Variants in PRR5 observed in about 807,000 individuals in gnomAD.
PRR5 encodes the protein proline-rich protein 5.
PRR5 carries 25 observed loss-of-function variants against 30.6 expected under a neutral mutation model. That is an observed-to-expected ratio of 0.82 (90% CI 0.60 to 1.14). The LOEUF is 1.14. Among genes scored for constraint, PRR5 ranks in the 50% most tolerant of loss-of-function variants. The pLI is 0.00. For missense variants in PRR5, 600 were observed against 547.1 expected, an observed-to-expected ratio of 1.10 and a Z score of -0.96; for synonymous variants, 286 against 247.1, an observed-to-expected ratio of 1.16 and a Z score of -1.48.
chr22:44,708,288 G>A (rs138560539), intron 1 of PRR5, among the ~76,000 whole-genome samples: 15 of 152,286 alleles, frequency 9.8e-5, no homozygotes, highest in South Asian at 4.1e-4. Context: ...GTCAGGGTCC[G>A]GGGTCTGAAT....
chr22:44,695,867 C>T (rs999350171), intron 1 of PRR5, among the ~76,000 whole-genome samples: 3 of 150,508 alleles, frequency 2.0e-5, no homozygotes, highest in Non-Finnish European at 3.0e-5. Context: ...TCCCAAAGTG[C>T]GCCCAGCCTG....
At chr22:44,728,326 G>A (rs1921244050) in intron 4 of PRR5, among the ~76,000 whole-genome samples, 1 of 152,234 alleles carries the variant, frequency 6.6e-6, no homozygotes, top group Non-Finnish European at 1.5e-5. Flanking sequence ...CCCTGTCTTA[G>A]CAATGTGGGG....
In PRR5 at chr22:44,716,006, C is replaced by T. The variant is rs193249644; in HGVS notation, c.215+1335C>T. Among the ~76,000 whole-genome samples, 103 of 152,320 alleles carry T rather than the reference C, an allele frequency of 6.8e-4. 1 individual carries two copies. The highest frequency in any genetic ancestry group is 8.8e-5 in the Non-Finnish European group (6 of 68,032). ...ACTGTTAAATTTACAAATCCAGCAG[C>T]AGGCACAGTCCCCAGCTTTGGACAT... On this transcript the variant is annotated intron_variant, in intron 2 of 7. Coordinates refer to ENST00000336985, the MANE Select transcript of PRR5 (RefSeq NM_181333.4).
At position 44,706,302 on chromosome 22, in the gene PRR5, G is replaced by A. The variant is rs146784260; in HGVS notation, c.134+3694G>A. Among the ~76,000 whole-genome samples the A allele has an allele frequency of 4.1e-3, 618 of 152,308 alleles. 4 individuals are homozygous for A. Among genetic ancestry groups the A allele is most frequent in the African/African-American group, 0.014 (567 of 41,568 alleles). ...TCGTTTATTCATTCATTCATTGACTGTGCCAGCACTGGGCTGCTCAGGGCA... is the reference window on the plus strand; with the variant it reads ...TCGTTTATTCATTCATTCATTGACTATGCCAGCACTGGGCTGCTCAGGGCA... On this transcript the variant is annotated intron_variant, in intron 1 of 7. Transcript: ENST00000336985.
At chr22:44,684,870 C>T (rs1924606774) in intron 1 of PRR5, among the ~76,000 whole-genome samples, 3 of 152,196 alleles carry the variant, frequency 2.0e-5, no homozygotes, top group Non-Finnish European at 4.4e-5. Flanking sequence ...TCTGGAGGCT[C>T]AGGCGTCCTC....
chr22:44,673,458 C>G (rs933280419), upstream of PRR5, among the ~76,000 whole-genome samples: 2 of 152,212 alleles, frequency 1.3e-5, no homozygotes, highest in Admixed American at 1.3e-4. Context: ...TGAAGGGCCT[C>G]TGCGTTCACT....
Position 44,737,031 on chromosome 22 carries a change from C to T in PRR5, c.951C>T (p.Pro317=), listed in dbSNP as rs1302937199. The part of the protein sequence containing the change: ...FRSSPAPHSG[P]CPSRLYPTTQ... Reference sequence around the variant, plus strand: ...CCTCCCCGGCGCCCCACTCAGGGCCCTGCCCCAGCAGACTGTACCCCACGA... The same window carrying T: ...CCTCCCCGGCGCCCCACTCAGGGCCTTGCCCCAGCAGACTGTACCCCACGA... The change falls in exon 8 of 8, where the codon CCC becomes CCT. Residue 317 remains proline, a synonymous_variant. Transcript: ENST00000336985. 2 of 1,603,328 alleles carry T rather than the reference C, an allele frequency of 1.2e-6. No homozygotes were observed. The highest frequency in any genetic ancestry group is 1.7e-5 in the Admixed American group (1 of 59,860).
At chr22:44,713,485 G>A (rs1928571669) in intron 1 of PRR5, among the ~76,000 whole-genome samples, 2 of 152,116 alleles carry the variant, frequency 1.3e-5, no homozygotes, top group African/African-American at 4.8e-5. Context: ...CACCCATCTT[G>A]GCCTCCCAAA....
intron 2 of PRR5, among the ~76,000 whole-genome samples, chr22:44,719,163 T>C (rs563595754): frequency 8.6e-5 from 13 of 151,960 alleles, no homozygotes; most frequent in Admixed American, 7.9e-4. Flanking sequence ...CACTGCCGCC[T>C]GCACCTTGTG....
chr22:44,702,399 C>G lies in PRR5; in HGVS notation c.-76C>G, dbSNP rs1926462555. 8.2e-7 allele frequency: 1 copy of G among 1,225,602 alleles called. No homozygotes were observed. The highest frequency in any genetic ancestry group is 1.0e-6 in the Non-Finnish European group (1 of 981,952). 75.9% of individuals were successfully genotyped at this position (1,225,602 alleles called of 1,614,324 possible). A position where few individuals can be genotyped will look rare whatever the true frequency, so the allele number is the denominator to read the frequency against. ...CCGCGTAGAGGGCGCATCGCCGGCC[C>G]GGGGCCCTTGGTGCGGCGTGGCGCA... On this transcript the variant is annotated 5_prime_UTR_variant, in exon 1 of 8. Coordinates refer to ENST00000336985, the MANE Select transcript of PRR5 (RefSeq NM_181333.4).
intron 3 of PRR5, 68 bp downstream of exon 3, chr22:44,725,360 C>A: frequency 1.2e-6 from 2 of 1,601,480 alleles, no homozygotes; most frequent in Non-Finnish European, 1.7e-6. Flanking sequence ...CAGGGGCTCA[C>A]CTGCCCCCGG....
Position 44,737,481 on chromosome 22 carries a change from C to T in PRR5, c.*234C>T, listed in dbSNP as rs2146956862. ...AGTCGGCGTTTACCCAGGGGCCGGGCCAGAGACGGGGGTCGGCCGCTCGCT... is the reference window on the plus strand; with the variant it reads ...AGTCGGCGTTTACCCAGGGGCCGGGTCAGAGACGGGGGTCGGCCGCTCGCT... On this transcript the variant is annotated 3_prime_UTR_variant, in exon 8 of 8. Coordinates refer to ENST00000336985, the MANE Select transcript of PRR5 (RefSeq NM_181333.4). The T allele has an allele frequency of 1.2e-6, 1 of 849,430 alleles. No individual in the cohort carries two copies. Among genetic ancestry groups the T allele is most frequent in the Non-Finnish European group, 1.7e-6 (1 of 593,236 alleles). 52.6% of individuals were successfully genotyped at this position (849,430 alleles called of 1,614,324 possible). A position where few individuals can be genotyped will look rare whatever the true frequency, so the allele number is the denominator to read the frequency against.
intron 1 of PRR5, among the ~76,000 whole-genome samples, chr22:44,669,593 A>G (rs1923306229): frequency 6.6e-6 from 1 of 152,242 alleles, no homozygotes; most frequent in African/African-American, 2.4e-5. Flanking sequence ...CCCTGTTCCC[A>G]TAAGCAGAGC....
At chr22:44,705,917 A>C (rs372860422) in intron 1 of PRR5, among the ~76,000 whole-genome samples, 3 of 151,780 alleles carry the variant, frequency 2.0e-5, no homozygotes, top group African/African-American at 7.3e-5. Flanking sequence ...TCAGCCTCCC[A>C]AGTAGCTGGG....
chr22:44,693,950 C>CA (rs1054121698), intron 1 of PRR5, among the ~76,000 whole-genome samples: 34 of 151,998 alleles, frequency 2.2e-4, no homozygotes, highest in Non-Finnish European at 4.3e-4. Context: ...CTTATAAGGA[C>CA]ATCAGTCACT....
chr22:44,729,716 C>A (rs545129867), intron 4 of PRR5: 1 of 985,376 alleles, frequency 1.0e-6, no homozygotes, highest in Non-Finnish European at 1.2e-6. Context: ...CGCGAGGCTG[C>A]CCTTCCTGGC....
At chr22:44,692,491 A>AGGGAAATTCTTCCTCCCGG (rs1925362143) in intron 1 of PRR5, among the ~76,000 whole-genome samples, 1 of 100,060 alleles carries the variant, frequency 1.0e-5, no homozygotes, top group Admixed American at 1.0e-4. Flanking sequence ...TCCTCCTCCC[A>AGGGAAATTCTTCCTCCCGG]GGGCTCCTCC....
At chr22:44,722,191 T>C (rs1930042398) in intron 2 of PRR5, among the ~76,000 whole-genome samples, 1 of 152,226 alleles carries the variant, frequency 6.6e-6, no homozygotes, top group South Asian at 2.1e-4. Flanking sequence ...ACGCCAGTCC[T>C]GTTACTAAGG....
chr22:44,682,294 C>T (rs1035208090), intron 1 of PRR5, among the ~76,000 whole-genome samples: 7 of 152,168 alleles, frequency 4.6e-5, no homozygotes, highest in East Asian at 1.9e-4. Flanking sequence ...TTCCTCCTTA[C>T]GTGTACTCTA....
Sources: allele counts gnomAD v4.1 joint callset (sites outside exome capture counted in the v4.1 genomes callset), GRCh38; gene constraint gnomAD v4.1.1; transcripts MANE v1.5; gene names NCBI Gene and HGNC (gene_info 2026-07-23, HGNC 2026-07-21).